ATP2A2: variants seen among roughly 807,000 people sequenced by gnomAD.
ATP2A2 encodes ATPase sarcoplasmic/endoplasmic reticulum Ca2+ transporting 2.
In ATP2A2, 14 loss-of-function variants were observed where a neutral mutation model predicts 109.3. The observed-to-expected ratio is 0.13, with a 90% CI of 0.08 to 0.20. The LOEUF is 0.20. Among genes scored for constraint, ATP2A2 ranks in the 10% least tolerant of loss-of-function variants. The pLI is 1.00. For synonymous variants in ATP2A2, 506 were observed against 490.9 expected (o/e 1.03, Z -0.41); for missense variants, 657 against 1,321.6 (o/e 0.50, Z 7.80).
At chr12:110,334,757 T>G (rs1320308049) in intron 11 of ATP2A2, among the ~76,000 whole-genome samples, 1 of 151,822 alleles carries the variant, frequency 6.6e-6, no homozygotes, top group Non-Finnish European at 1.5e-5. Context: ...CTGGCTAATT[T>G]TTTGTATTTT....
In ATP2A2 at chr12:110,339,244, T is replaced by C; in HGVS notation, c.1420-37T>C. 6.2e-7 allele frequency: 1 copy of C among 1,612,982 alleles called. No homozygotes were observed. Among genetic ancestry groups the C allele is most frequent in the South Asian group, 1.1e-5 (1 of 90,486 alleles). On this transcript the variant is annotated intron_variant, in intron 11 of 19. Coordinates refer to ENST00000539276, the MANE Select transcript of ATP2A2 (RefSeq NM_170665.4). This position sits in a 1 kb window ranked among gnomAD's most constrained non-coding sequence, Gnocchi z 4.4. ...TTGTTAGGTAAAAAAGTTCAGAAAT[T>C]GCCACCCAGTAGTATCCATATTTGT... is the stretch of plus-strand genomic sequence containing the variant.
chr12:110,345,599 A>G, intron 18 of ATP2A2: 1 of 759,586 alleles, frequency 1.3e-6, no homozygotes, highest in South Asian at 1.8e-5. Context: ...CTCTTCCTTA[A>G]AAGAAACCGT....
At chr12:110,337,000 A>G (rs1180555089) in intron 11 of ATP2A2, among the ~76,000 whole-genome samples, 1 of 152,038 alleles carries the variant, frequency 6.6e-6, no homozygotes, top group Non-Finnish European at 1.5e-5. Flanking sequence ...ACCTCTGACT[A>G]CTCCACTGAG....
chr12:110,325,465 C>T (rs2137809990), intron 6 of ATP2A2, among the ~76,000 whole-genome samples: 1 of 151,764 alleles, frequency 6.6e-6, no homozygotes, highest in East Asian at 1.9e-4. Flanking sequence ...CAAAACCTGT[C>T]TCTACTAAAA....
At position 110,308,897 on chromosome 12, in the gene ATP2A2, T is replaced by G. The variant is rs912024755; in HGVS notation, c.463+12160T>G. On this transcript the variant is annotated intron_variant, in intron 5 of 19. Coordinates refer to ENST00000539276, the MANE Select transcript of ATP2A2 (RefSeq NM_170665.4). ...TCAGATGTGTTGGAAAACTGGAGAG[T>G]GTTGTAAACTAATTCGAAGCTGAAA... Among the ~76,000 whole-genome samples, 8 of 152,244 alleles carry G rather than the reference T, an allele frequency of 5.3e-5. 1 individual carries two copies. The highest frequency in any genetic ancestry group is 5.2e-4 in the Admixed American group (8 of 15,274).
intron 8 of ATP2A2, chr12:110,332,017 A>G (rs1324390998): frequency 1.2e-5 from 2 of 169,202 alleles, no homozygotes; most frequent in East Asian, 3.2e-4. Flanking sequence ...CTGTATACAT[A>G]TAGTTATGCA....
chr12:110,299,533 A>G (rs192846950), intron 5 of ATP2A2, among the ~76,000 whole-genome samples: 5 of 152,334 alleles, frequency 3.3e-5, no homozygotes, highest in African/African-American at 9.6e-5. Context: ...AACCTAGAAT[A>G]TTAACTCTGA....
At chr12:110,282,557 TA>T (rs1872246934) in intron 1 of ATP2A2, 46 bp from the exon 2 acceptor site, 4 of 1,604,790 alleles carry the variant, frequency 2.5e-6, no homozygotes, top group Non-Finnish European at 3.4e-6. Context: ...TTTTTTTTTT[TA>T]ACCTCCCTCT....
At chr12:110,300,047 C>A (rs1005643791) in intron 5 of ATP2A2, among the ~76,000 whole-genome samples, 1 of 151,442 alleles carries the variant, frequency 6.6e-6, no homozygotes, top group East Asian at 1.9e-4. Flanking sequence ...TGAGCCACCA[C>A]GCACGGCCTA....
At position 110,327,783 on chromosome 12, in the gene ATP2A2, C is replaced by T; in HGVS notation, c.861C>T (p.Ser287=). Residue 287 remains serine (S), a synonymous_variant, in exon 8 of 20, where the codon TCC becomes TCT. Coordinates refer to ENST00000539276, the MANE Select transcript of ATP2A2 (RefSeq NM_170665.4). The surrounding 1 kb of genome is among the most constrained non-coding windows in gnomAD (Gnocchi z 4.4). ...GHFNDPVHGG[S]WIRGAIYYFK... is the part of the protein sequence containing the mutation. ...TCAATGACCCGGTTCATGGAGGGTC[C>T]TGGATCAGAGGTGCTATTTACTACT... 3 of 1,614,136 alleles carry T rather than the reference C, an allele frequency of 1.9e-6. No individual in the cohort carries two copies. The highest frequency in any genetic ancestry group is 1.3e-5 in the African/African-American group (1 of 75,022).
intron 11 of ATP2A2, among the ~76,000 whole-genome samples, chr12:110,335,432 G>C (rs545661297): frequency 1.2e-3 from 183 of 152,282 alleles, no homozygotes; most frequent in African/African-American, 4.2e-3. Context: ...GGGAAGCTGA[G>C]GCGGGAGAGT....
intron 5 of ATP2A2, among the ~76,000 whole-genome samples, chr12:110,309,792 A>T (rs924578087): frequency 6.6e-6 from 1 of 151,956 alleles, no homozygotes; most frequent in African/African-American, 2.4e-5. Flanking sequence ...TGTAGTCCCA[A>T]CGACTTGAAA....
At chr12:110,313,045 G>A (rs544513751) in intron 5 of ATP2A2, among the ~76,000 whole-genome samples, 2 of 152,158 alleles carry the variant, frequency 1.3e-5, no homozygotes, top group Admixed American at 6.5e-5. Flanking sequence ...CCTGAGCACT[G>A]TCAGAATAGC....
intron 3 of ATP2A2, among the ~76,000 whole-genome samples, chr12:110,291,300 T>C (rs1393200628): frequency 6.6e-6 from 1 of 151,968 alleles, no homozygotes; most frequent in Non-Finnish European, 1.5e-5. Context: ...GCCTCCTAGG[T>C]ACAAGTGATT....
Position 110,339,208 on chromosome 12 carries a change from G to A in ATP2A2, c.1420-73G>A. The A allele has an allele frequency of 2.5e-6, 4 of 1,583,788 alleles. No individual in the cohort carries two copies. The highest frequency in any genetic ancestry group is 1.7e-5 in the Admixed American group (1 of 59,930). ...TCCTAGCATCTGTCATGTAATAGGT[G>A]TGCTTACTGCTTGTTAGGTAAAAAA... On this transcript the variant is annotated intron_variant, in intron 11 of 19. Coordinates refer to ENST00000539276, the MANE Select transcript of ATP2A2 (RefSeq NM_170665.4). The surrounding 1 kb of genome is among the most constrained non-coding windows in gnomAD (Gnocchi z 4.4).
At chr12:110,322,687 T>C (rs947222441) in intron 5 of ATP2A2, among the ~76,000 whole-genome samples, 11 of 152,206 alleles carry the variant, frequency 7.2e-5, no homozygotes, top group African/African-American at 2.7e-4. Context: ...AGTAGGAAAG[T>C]ATTCTTTAAA....
Position 110,327,780 on chromosome 12 carries a change from G to T in ATP2A2, c.858G>T (p.Gly286=), listed in dbSNP as rs760353108. 3.7e-5 allele frequency: 59 copies of T among 1,614,144 alleles called. 3 individuals are homozygous for T. In the South Asian group the frequency reaches 6.3e-4, roughly 17 times the overall value. ...IGHFNDPVHG[G]SWIRGAIYYF... ...ACTTCAATGACCCGGTTCATGGAGG[G>T]TCCTGGATCAGAGGTGCTATTTACT... Residue 286 remains glycine (G), a synonymous_variant, in exon 8 of 20, where the codon GGG becomes GGT. Transcript: ENST00000539276. The surrounding 1 kb of genome is among the most constrained non-coding windows in gnomAD (Gnocchi z 4.4).
intron 6 of ATP2A2, among the ~76,000 whole-genome samples, chr12:110,323,895 G>T (rs1432273240): frequency 6.6e-6 from 1 of 152,176 alleles, no homozygotes; most frequent in Non-Finnish European, 1.5e-5. Context: ...CTTTTTCCAG[G>T]CAAGAAAAAT....
In ATP2A2 at chr12:110,346,736, A is replaced by C. The variant is rs1002420782; in HGVS notation, c.*266A>C. 54 of 1,329,684 alleles carry C rather than the reference A, an allele frequency of 4.1e-5. No individual in the cohort carries two copies. Among genetic ancestry groups the C allele is most frequent in the Non-Finnish European group, 4.8e-5 (50 of 1,036,506 alleles). The allele number at this position is 1,329,684 out of a possible 1,614,324, so 82.4% of individuals were successfully genotyped here. A position where few individuals can be genotyped will look rare whatever the true frequency, so the allele number is the denominator to read the frequency against. On this transcript the variant is annotated 3_prime_UTR_variant, in exon 20 of 20. Coordinates refer to ENST00000539276, the MANE Select transcript of ATP2A2 (RefSeq NM_170665.4). ...TTTTTGTAGATGAAAAAGCATGTAC[A>C]GTGTTCTGTTTAATACTCATCCTTG...
Sources: gnomAD v4.1 joint callset for allele counts (sites outside exome capture counted in the v4.1 genomes callset) on GRCh38, gnomAD v4.1.1 for gene constraint, Gnocchi (gnomAD v3.1) non-coding constraint, MANE v1.5 for transcripts, NCBI Gene and HGNC (gene_info 2026-07-23, HGNC 2026-07-21) for gene names.